Variants in CAMK2D observed in about 807,000 individuals in gnomAD.
CAMK2D encodes the protein calcium/calmodulin dependent protein kinase II delta.
Under a neutral mutation model 84.0 loss-of-function variants are expected in CAMK2D, and 37 were observed. The ratio of observed to expected loss-of-function variants is 0.44; its 90% confidence interval spans 0.34 to 0.58. The LOEUF is 0.58. CAMK2D is among the 20% of genes least tolerant of loss of function. The pLI, the probability that CAMK2D is intolerant of heterozygous loss-of-function variation, is 0.02. For synonymous variants in CAMK2D, 202 were observed against 212.5 expected, an observed-to-expected ratio of 0.95 and a Z score of 0.43; for missense variants, 448 against 652.5, an observed-to-expected ratio of 0.69 and a Z score of 3.41.
At chr4:113,534,555 G>C (rs2098477571) in intron 7 of CAMK2D, among the ~76,000 whole-genome samples, 1 of 152,132 alleles carries the variant, frequency 6.6e-6, no homozygotes, top group African/African-American at 2.4e-5. Context: ...GGACCAGCTT[G>C]TTTTTAGAAA....
Position 113,703,190 on chromosome 4 carries a change from T to A in CAMK2D, c.161-41418A>T, listed in dbSNP as rs994949970. 2.0e-5 allele frequency among the ~76,000 whole-genome samples: 3 copies of A among 152,160 alleles called. No homozygotes were observed. The South Asian group carries it at 6.2e-4, about 31-fold the overall frequency. Reference sequence around the variant, plus strand: ...AGAATACAGATTTAATAGGATTGAATTTTCACCCTCAAGTAGTCGAGGGTT... The same window carrying A: ...AGAATACAGATTTAATAGGATTGAAATTTCACCCTCAAGTAGTCGAGGGTT... On this transcript the variant is annotated intron_variant, in intron 2 of 20. Coordinates refer to ENST00000511664, the MANE Select transcript of CAMK2D (RefSeq NM_001321571.2).
intron 3 of CAMK2D, among the ~76,000 whole-genome samples, chr4:113,639,198 C>T (rs1268317182): frequency 6.6e-6 from 1 of 151,710 alleles, no homozygotes; most frequent in Non-Finnish European, 1.5e-5. Context: ...GCTATGATCT[C>T]TTCACTGCAC....
chr4:113,661,046 C>A (rs1157570378), intron 3 of CAMK2D, among the ~76,000 whole-genome samples: 2 of 152,018 alleles, frequency 1.3e-5, no homozygotes, highest in African/African-American at 2.4e-5. Context: ...CCACCCGCCT[C>A]GGCCTCCCAA....
intron 10 of CAMK2D, 81 bp from the exon 11 acceptor site, chr4:113,513,994 A>G (rs1177825280): frequency 4.8e-6 from 3 of 628,306 alleles, no homozygotes; most frequent in Non-Finnish European, 8.4e-6. Flanking sequence ...ACTTCATCAA[A>G]TATTTATTAA....
At chr4:113,525,813 C>T (rs551273588) in intron 8 of CAMK2D, among the ~76,000 whole-genome samples, 2 of 152,218 alleles carry the variant, frequency 1.3e-5, no homozygotes, top group Non-Finnish European at 2.9e-5. Context: ...TAATTTTTTA[C>T]CACTCAACCC....
At chr4:113,480,647 C>T (rs1014443515) in intron 16 of CAMK2D, among the ~76,000 whole-genome samples, 1 of 152,088 alleles carries the variant, frequency 6.6e-6, no homozygotes, top group South Asian at 2.1e-4. Flanking sequence ...TCGAAACTAG[C>T]TTGGCAAACA....
chr4:113,585,862 G>A (rs919903561), intron 4 of CAMK2D, among the ~76,000 whole-genome samples: 3 of 152,140 alleles, frequency 2.0e-5, no homozygotes, highest in Non-Finnish European at 4.4e-5. Flanking sequence ...TATTAAACTG[G>A]AAGTAATTGT....
intron 2 of CAMK2D, among the ~76,000 whole-genome samples, chr4:113,721,151 G>A (rs1236975724): frequency 6.6e-6 from 1 of 152,090 alleles, no homozygotes; most frequent in Admixed American, 6.6e-5. Flanking sequence ...CACCTAAGGA[G>A]CTCATTAGAG....
chr4:113,557,826 A>G (rs948803106), intron 4 of CAMK2D, among the ~76,000 whole-genome samples: 1 of 152,242 alleles, frequency 6.6e-6, no homozygotes, highest in Non-Finnish European at 1.5e-5. Context: ...AGTTGATATA[A>G]TAATGCACTC....
chr4:113,717,326 T>C (rs983515446), intron 2 of CAMK2D, among the ~76,000 whole-genome samples: 4 of 152,120 alleles, frequency 2.6e-5, no homozygotes, highest in South Asian at 2.1e-4. Flanking sequence ...AAAATCCTAC[T>C]TGCAGAAAAA....
intron 7 of CAMK2D, among the ~76,000 whole-genome samples, 200 bp from the exon 8 acceptor site, chr4:113,531,499 T>C (rs764097168): frequency 7.2e-5 from 11 of 152,164 alleles, no homozygotes; most frequent in Non-Finnish European, 1.5e-4. Flanking sequence ...CTGTAACTCA[T>C]TTGAAAAAAA....
At chr4:113,470,624 G>A (rs1361556356) in intron 16 of CAMK2D, among the ~76,000 whole-genome samples, 4 of 145,960 alleles carry the variant, frequency 2.7e-5, no homozygotes, top group East Asian at 4.2e-4. Context: ...GTGACAGAGC[G>A]AGACTTTGTC....
intron 2 of CAMK2D, among the ~76,000 whole-genome samples, chr4:113,747,171 G>A (rs993081158): frequency 1.3e-5 from 2 of 151,740 alleles, no homozygotes; most frequent in African/African-American, 2.4e-5. Flanking sequence ...TATTTAAATC[G>A]AAGTTGTCTT....
At chr4:113,504,844 AAAC>A in intron 14 of CAMK2D, 129 bp downstream of exon 14, 5 of 370,446 alleles carry the variant, frequency 1.3e-5, no homozygotes, top group Non-Finnish European at 1.4e-5. Context: ...AAAAAAAAAA[AAAC>A]AAAACCCAAC....
chr4:113,757,638 G>C (rs1442505388), intron 2 of CAMK2D, among the ~76,000 whole-genome samples: 18 of 152,120 alleles, frequency 1.2e-4, no homozygotes, highest in Admixed American at 1.2e-3. Context: ...TTTCTAAGTA[G>C]AATAATGAAA....
At chr4:113,721,032 T>G (rs963320047) in intron 2 of CAMK2D, among the ~76,000 whole-genome samples, 6 of 152,114 alleles carry the variant, frequency 3.9e-5, no homozygotes, top group Non-Finnish European at 8.8e-5. Flanking sequence ...AAACTTCATT[T>G]CCAAACTTCA....
At chr4:113,597,297 T>C (rs1313804916) in intron 4 of CAMK2D, among the ~76,000 whole-genome samples, 4 of 152,258 alleles carry the variant, frequency 2.6e-5, no homozygotes, top group Non-Finnish European at 4.4e-5. Flanking sequence ...TCCATCTACA[T>C]TGAAAATCTG....
intron 8 of CAMK2D, among the ~76,000 whole-genome samples, chr4:113,525,883 G>T (rs72905990): frequency 0.054 from 8,158 of 152,140 alleles, 663 homozygotes; most frequent in African/African-American, 0.18. Context: ...CTAATGAATG[G>T]CTAAAAAAGA....
intron 5 of CAMK2D, among the ~76,000 whole-genome samples, chr4:113,549,313 A>G (rs1399047355): frequency 1.3e-5 from 2 of 152,360 alleles, no homozygotes; most frequent in Non-Finnish European, 2.9e-5. Flanking sequence ...GGGAGAATTT[A>G]AAGTAAACTC....
Sources: gnomAD v4.1 joint callset for allele counts (sites outside exome capture counted in the v4.1 genomes callset) on GRCh38, gnomAD v4.1.1 for gene constraint, MANE v1.5 for transcripts, NCBI Gene and HGNC (gene_info 2026-07-23, HGNC 2026-07-21) for gene names.